The following FSTL4 variants were observed in gnomAD, a reference collection of about 807,000 sequenced individuals.
FSTL4 encodes the protein follistatin like 4, also known as follistatin-related protein 4.
In FSTL4, 28 loss-of-function variants were observed where a neutral mutation model predicts 78.2. That is an observed-to-expected ratio of 0.36 (90% CI 0.27 to 0.49). FSTL4 has a LOEUF of 0.49. Ranked by LOEUF, FSTL4 falls within the 20% of genes least tolerant of loss-of-function variation. The probability of loss-of-function intolerance (pLI) is 0.98; values close to 1 mark genes in which losing one functional copy is unlikely to be tolerated. For missense variants in FSTL4, 922 were observed against 1,084.9 expected, an observed-to-expected ratio of 0.85 and a Z score of 2.11; for synonymous variants, 422 against 440.5, an observed-to-expected ratio of 0.96 and a Z score of 0.53.
Position 133,521,709 on chromosome 5 carries a change from C to T in FSTL4, c.160+45477G>A, listed in dbSNP as rs150712672. Among the ~76,000 whole-genome samples, 33 of 152,270 alleles carry T rather than the reference C, an allele frequency of 2.2e-4. No homozygotes were observed. The South Asian group carries it at 5.8e-3, about 27-fold the overall frequency. On this transcript the variant is annotated intron_variant, in intron 3 of 15. Coordinates refer to ENST00000265342, the MANE Select transcript of FSTL4 (RefSeq NM_015082.2). ...CTCTTTCTAAATTAACTCCCAGAGA[C>T]GAACCCTATTAACTCTTTATTTGGC...
intron 4 of FSTL4, among the ~76,000 whole-genome samples, chr5:133,391,628 C>T (rs569083563): frequency 6.6e-6 from 1 of 152,338 alleles, no homozygotes; most frequent in East Asian, 1.9e-4. Flanking sequence ...CTCAGTTTCT[C>T]TCTGCTTACT....
chr5:133,788,799 G>A, the FSTL4 span, among the ~76,000 whole-genome samples: 10 of 151,712 alleles, frequency 6.6e-5, no homozygotes, highest in Non-Finnish European at 1.3e-4. Context: ...CCCTGACTGA[G>A]TAAGATTTAT....
intron 3 of FSTL4, among the ~76,000 whole-genome samples, chr5:133,526,803 G>C (rs540110864): frequency 6.6e-6 from 1 of 152,118 alleles, no homozygotes. Context: ...AGAACTTGTC[G>C]GCCAACCTGG....
intron 3 of FSTL4, among the ~76,000 whole-genome samples, chr5:133,445,600 C>CCTT (rs1757248085): frequency 3.3e-5 from 5 of 152,174 alleles, no homozygotes; most frequent in Admixed American, 3.3e-4. Flanking sequence ...CTCCTGGGAG[C>CCTT]CAGTTGGCCC....
chr5:133,462,845 C>T (rs949217317), intron 3 of FSTL4, among the ~76,000 whole-genome samples: 1 of 152,160 alleles, frequency 6.6e-6, no homozygotes, highest in African/African-American at 2.4e-5. Context: ...ATTTTCCCTA[C>T]TATTTGAGCC....
chr5:133,532,820 C>T, intron 3 of FSTL4, among the ~76,000 whole-genome samples: 1 of 152,294 alleles, frequency 6.6e-6, no homozygotes, highest in South Asian at 2.1e-4. Flanking sequence ...CAGCCAGAGT[C>T]CTAGAGTACC....
chr5:133,724,832 G>A, the FSTL4 span, among the ~76,000 whole-genome samples: 1 of 152,196 alleles, frequency 6.6e-6, no homozygotes, highest in East Asian at 1.9e-4. Flanking sequence ...TTTTTCTGGA[G>A]GTTTTATAGT....
At chr5:133,749,364 C>T in the FSTL4 span, among the ~76,000 whole-genome samples, 1 of 152,176 alleles carries the variant, frequency 6.6e-6, no homozygotes, top group Non-Finnish European at 1.5e-5. Context: ...CCAGCCAGTG[C>T]CACCAACCAG....
the FSTL4 span, among the ~76,000 whole-genome samples, chr5:133,700,385 ACACCACACCAAACCATCAGACCAAAG>A: frequency 1.4e-5 from 2 of 142,954 alleles, no homozygotes; most frequent in African/African-American, 5.3e-5. Context: ...ACCACACCAA[ACACCACACCAAACCATCAGACCAAAG>A]CACCACACCA....
At chr5:133,814,502 G>A in the FSTL4 span, among the ~76,000 whole-genome samples, 1 of 152,300 alleles carries the variant, frequency 6.6e-6, no homozygotes, top group East Asian at 1.9e-4. Flanking sequence ...CTGGAAATAA[G>A]ATGATGGAGA....
chr5:133,780,047 G>T, the FSTL4 span, among the ~76,000 whole-genome samples: 14 of 152,294 alleles, frequency 9.2e-5, no homozygotes, highest in East Asian at 2.7e-3. Flanking sequence ...CACTCCTGGA[G>T]CCATCCTCAC....
In FSTL4 at chr5:133,455,094, A is replaced by G. The variant is rs72787318; in HGVS notation, c.161-54108T>C. ...AGGCTCCATACTAAAGGAGGAGGGT[A>G]GAGAGATGAGGGAGACGTGGCCCCT... On this transcript the variant is annotated intron_variant, in intron 3 of 15. Coordinates refer to ENST00000265342, the MANE Select transcript of FSTL4 (RefSeq NM_015082.2). Among the ~76,000 whole-genome samples, 528 of 152,334 alleles carry G rather than the reference A, an allele frequency of 3.5e-3. 2 individuals carry two copies. The highest frequency in any genetic ancestry group is 5.2e-3 in the Non-Finnish European group (352 of 68,030).
chr5:133,518,293 A>G (rs1037696947), intron 3 of FSTL4, among the ~76,000 whole-genome samples: 1 of 152,234 alleles, frequency 6.6e-6, no homozygotes, highest in Non-Finnish European at 1.5e-5. Flanking sequence ...TTACAAATCA[A>G]TAATAAGAAG....
At chr5:133,447,500 C>T (rs1757292872) in intron 3 of FSTL4, among the ~76,000 whole-genome samples, 1 of 152,152 alleles carries the variant, frequency 6.6e-6, no homozygotes, top group Non-Finnish European at 1.5e-5. Flanking sequence ...TTCACCGAAA[C>T]ACATGATAAG....
intron 2 of FSTL4, among the ~76,000 whole-genome samples, chr5:133,589,848 C>T (rs1230324593): frequency 6.6e-6 from 1 of 152,206 alleles, no homozygotes; most frequent in Non-Finnish European, 1.5e-5. Flanking sequence ...AAGCCAGATG[C>T]AAACCCTGGC....
At chr5:133,298,353 G>A (rs1440521397) in intron 6 of FSTL4, among the ~76,000 whole-genome samples, 1 of 152,208 alleles carries the variant, frequency 6.6e-6, no homozygotes, top group Non-Finnish European at 1.5e-5. Flanking sequence ...CAGGTGCTGG[G>A]CAAGTGTCTG....
At chr5:133,740,884 G>C in the FSTL4 span, among the ~76,000 whole-genome samples, 2 of 152,146 alleles carry the variant, frequency 1.3e-5, no homozygotes, top group Admixed American at 1.3e-4. Flanking sequence ...CATCTGGGCA[G>C]AATCTGAATC....
chr5:133,271,848 T>C (rs1293696232), intron 6 of FSTL4, among the ~76,000 whole-genome samples: 1 of 152,186 alleles, frequency 6.6e-6, no homozygotes, highest in East Asian at 1.9e-4. Context: ...TTCTAGGTCA[T>C]ACAAAAGGCA....
chr5:133,770,633 C>A, the FSTL4 span, among the ~76,000 whole-genome samples: 1 of 152,092 alleles, frequency 6.6e-6, no homozygotes, highest in South Asian at 2.1e-4. Context: ...TTGTAAGATG[C>A]ATAGTGTGCA....
Sources: gnomAD v4.1 joint callset for allele counts (sites outside exome capture counted in the v4.1 genomes callset) on GRCh38, gnomAD v4.1.1 for gene constraint, MANE v1.5 for transcripts, NCBI Gene and HGNC (gene_info 2026-07-23, HGNC 2026-07-21) for gene names.